Variants in RERE observed in about 807,000 individuals in gnomAD.
The protein encoded by RERE is arginine-glutamic acid dipeptide repeats, also known as arginine-glutamic acid dipeptide repeats protein.
RERE carries 40 observed loss-of-function variants against 146.1 expected under a neutral mutation model. That is an observed-to-expected ratio of 0.27 (90% confidence interval 0.21 to 0.36). The LOEUF is 0.36. RERE is among the 10% of genes least tolerant of loss of function. The pLI is 1.00. For missense variants in RERE, 1,933 were observed against 2,138.7 expected, an observed-to-expected ratio of 0.90 and a Z score of 1.90; for synonymous variants, 1,003 against 866.0, an observed-to-expected ratio of 1.16 and a Z score of -2.78.
At chr1:8,653,182 C>A (rs1384490231) in intron 2 of RERE, among the ~76,000 whole-genome samples, 1 of 152,160 alleles carries the variant, frequency 6.6e-6, no homozygotes, top group Non-Finnish European at 1.5e-5. Flanking sequence ...ACTGTACAGG[C>A]AGCATTTTCC....
intron 4 of RERE, among the ~76,000 whole-genome samples, chr1:8,605,618 A>G (rs143397577): frequency 0.011 from 1,688 of 151,896 alleles, 31 homozygotes; most frequent in African/African-American, 0.039. Context: ...GTGTGGTGGC[A>G]CGTGACTGTA....
At chr1:8,386,303 G>A (rs1472761495) in intron 12 of RERE, among the ~76,000 whole-genome samples, 2 of 150,850 alleles carry the variant, frequency 1.3e-5, no homozygotes, top group Admixed American at 1.3e-4. Flanking sequence ...GAATAAAATA[G>A]AGCCAAGAGA....
At chr1:8,527,680 T>C (rs972682621) in intron 7 of RERE, among the ~76,000 whole-genome samples, 7 of 152,226 alleles carry the variant, frequency 4.6e-5, no homozygotes, top group Non-Finnish European at 8.8e-5. Flanking sequence ...TGGATTCCAA[T>C]GGTGGCGCCA....
chr1:8,737,393 A>C (rs1640222230), intron 1 of RERE, among the ~76,000 whole-genome samples: 1 of 152,242 alleles, frequency 6.6e-6, no homozygotes, highest in African/African-American at 2.4e-5. Flanking sequence ...TTTTCCCTCC[A>C]AAAGAATCAA....
At chr1:8,487,962 G>A (rs894825619) in intron 10 of RERE, among the ~76,000 whole-genome samples, 8 of 151,926 alleles carry the variant, frequency 5.3e-5, no homozygotes, top group African/African-American at 1.9e-4. Context: ...AAAAGAAAGC[G>A]GGGCATGGTG....
intron 2 of RERE, among the ~76,000 whole-genome samples, chr1:8,642,961 G>A (rs545043233): frequency 7.2e-5 from 11 of 152,276 alleles, no homozygotes; most frequent in African/African-American, 2.6e-4. Flanking sequence ...GGTATCTAGG[G>A]AATGAGTAAG....
At chr1:8,744,587 A>C (rs1640382532) in intron 1 of RERE, among the ~76,000 whole-genome samples, 1 of 152,172 alleles carries the variant, frequency 6.6e-6, no homozygotes, top group African/African-American at 2.4e-5. Flanking sequence ...TTGGCCATTA[A>C]AACAATAGGA....
intron 1 of RERE, among the ~76,000 whole-genome samples, chr1:8,791,805 C>T (rs1641368166): frequency 6.6e-6 from 1 of 151,734 alleles, no homozygotes; most frequent in Non-Finnish European, 1.5e-5. Context: ...AGTTTCAAAC[C>T]TATAACTCTT....
intron 2 of RERE, among the ~76,000 whole-genome samples, chr1:8,634,148 G>A (rs1295806802): frequency 6.6e-6 from 1 of 152,002 alleles, no homozygotes; most frequent in Non-Finnish European, 1.5e-5. Context: ...TCAAGACCAA[G>A]CCATGCCCAT....
At chr1:8,579,318 T>C (rs2124044683) in intron 4 of RERE, among the ~76,000 whole-genome samples, 1 of 152,322 alleles carries the variant, frequency 6.6e-6, no homozygotes, top group South Asian at 2.1e-4. Context: ...CTCTTGGTAA[T>C]TAACACATAA....
At chr1:8,725,390 G>T (rs948703771) in intron 1 of RERE, among the ~76,000 whole-genome samples, 7 of 152,084 alleles carry the variant, frequency 4.6e-5, no homozygotes, top group African/African-American at 1.7e-4. Flanking sequence ...ACATGGTAAA[G>T]CCCCGTTTCT....
At chr1:8,384,295 C>G (rs1642564613) in intron 12 of RERE, among the ~76,000 whole-genome samples, 1 of 152,160 alleles carries the variant, frequency 6.6e-6, no homozygotes, top group East Asian at 1.9e-4. Flanking sequence ...TCCTGCTGCC[C>G]TAGTTTTTTC....
chr1:8,516,248 A>AAAT (rs1243387881), intron 7 of RERE, among the ~76,000 whole-genome samples: 3 of 150,576 alleles, frequency 2.0e-5, no homozygotes, highest in East Asian at 1.9e-4. Context: ...AAAAAAAAAA[A>AAAT]ATCTAGGTGT....
intron 10 of RERE, among the ~76,000 whole-genome samples, chr1:8,478,039 G>T (rs1644777434): frequency 6.6e-6 from 1 of 152,208 alleles, no homozygotes; most frequent in Non-Finnish European, 1.5e-5. Flanking sequence ...GCCCTGGAGA[G>T]CCAGGAAGCT....
At position 8,352,540 on chromosome 1, in the gene RERE, A is replaced by G. The variant is rs1475532210; in HGVS notation, c.*2547T>C. ...TGTGTTATCTCATGGCAAACTACTC[A>G]TATATACATTTAGCTTCAAGATATA... On this transcript the variant is annotated 3_prime_UTR_variant, in exon 23 of 23. Transcript: ENST00000400908. 2.0e-5 allele frequency: 3 copies of G among 152,442 alleles called. No individual in the cohort carries two copies. Among genetic ancestry groups the G allele is most frequent in the Non-Finnish European group, 2.9e-5 (2 of 68,042 alleles). 9.4% of individuals were successfully genotyped at this position (152,442 alleles called of 1,614,324 possible).
intron 12 of RERE, among the ~76,000 whole-genome samples, chr1:8,377,375 C>T (rs113688481): frequency 3.3e-5 from 5 of 152,262 alleles, no homozygotes; most frequent in African/African-American, 7.2e-5. Flanking sequence ...TGTAATAATG[C>T]TAATACCAGA....
At chr1:8,761,541 C>G (rs1286540954) in intron 1 of RERE, among the ~76,000 whole-genome samples, 1 of 152,190 alleles carries the variant, frequency 6.6e-6, no homozygotes, top group East Asian at 1.9e-4. Flanking sequence ...ATGCCTTGTT[C>G]TAACAGTTGC....
intron 11 of RERE, among the ~76,000 whole-genome samples, chr1:8,446,378 T>C (rs1302454906): frequency 1.3e-5 from 2 of 152,220 alleles, no homozygotes; most frequent in Non-Finnish European, 2.9e-5. Flanking sequence ...CTTCCCTTTG[T>C]GGGTAACCTG....
intron 1 of RERE, among the ~76,000 whole-genome samples, chr1:8,739,597 A>G (rs1466181499): frequency 1.3e-5 from 2 of 152,142 alleles, no homozygotes; most frequent in African/African-American, 4.8e-5. Flanking sequence ...AGGAAAAGCA[A>G]AAGGCCCAGA....
Sources: allele counts gnomAD v4.1 joint callset (sites outside exome capture counted in the v4.1 genomes callset), GRCh38; gene constraint gnomAD v4.1.1; transcripts MANE v1.5; gene names NCBI Gene and HGNC (gene_info 2026-07-23, HGNC 2026-07-21).